CYP2E1: variants seen among roughly 807,000 people sequenced by gnomAD.
CYP2E1 encodes cytochrome P450 2E1.
CYP2E1 carries 31 observed loss-of-function variants against 42.9 expected under a neutral mutation model. That is an observed-to-expected ratio of 0.72 (90% CI 0.54 to 0.98). The LOEUF (loss-of-function observed/expected upper bound fraction) is 0.98. Ranked by LOEUF, CYP2E1 falls within the 50% of genes least tolerant of loss-of-function variation. The pLI, the probability that CYP2E1 is intolerant of heterozygous loss-of-function variation, is 0.00. For synonymous variants in CYP2E1, 244 were observed against 248.9 expected, an observed-to-expected ratio of 0.98 and a Z score of 0.19; for missense variants, 565 against 633.2, an observed-to-expected ratio of 0.89 and a Z score of 1.16.
Position 133,537,179 on chromosome 10 carries a change from A to G in CYP2E1, c.1084A>G (p.Thr362Ala). The G allele has an allele frequency of 1.2e-6, 2 of 1,614,014 alleles. No individual in the cohort carries two copies. Among genetic ancestry groups the G allele is most frequent in the Non-Finnish European group, 1.7e-6 (2 of 1,179,982 alleles). Residue 362 changes from threonine to alanine, a missense_variant, in exon 7 of 9, where the codon ACC becomes GCC. Physicochemically the swap from Thr to Ala is moderately conservative, Grantham distance 58. Coordinates refer to ENST00000252945, the MANE Select transcript of CYP2E1 (RefSeq NM_000773.4). ...AVVHEIQRFI[T>A]LVPSNLPHEA... ...GGTGCATGAGATTCAGCGGTTCATC[A>G]CCCTCGTGCCCTCCAACCTGCCCCA...
At chr10:133,528,798 G>A (rs942535617) in intron 2 of CYP2E1, among the ~76,000 whole-genome samples, 158 bp downstream of exon 2, 3 of 152,250 alleles carry the variant, frequency 2.0e-5, no homozygotes, top group Admixed American at 6.5e-5. Context: ...GATGGCCCCC[G>A]CGCGTTGCCT....
intron 2 of CYP2E1, among the ~76,000 whole-genome samples, chr10:133,530,034 C>A (rs1271862490): frequency 6.6e-6 from 1 of 152,116 alleles, no homozygotes; most frequent in African/African-American, 2.4e-5. Context: ...TCGGAGGCAG[C>A]AGGGAGGGGA....
chr10:133,528,455 T>G, intron 1 of CYP2E1, 26 bp from the exon 2 acceptor site: 1 of 1,609,858 alleles, frequency 6.2e-7, no homozygotes, highest in Non-Finnish European at 8.5e-7. Flanking sequence ...GCGGCGGGCC[T>G]GACTTCTAGC....
intron 6 of CYP2E1, among the ~76,000 whole-genome samples, chr10:133,536,488 TGTGGATGGATGGAAGGGTGG>T (rs1851398499): frequency 3.0e-5 from 3 of 99,954 alleles, no homozygotes; most frequent in Non-Finnish European, 6.4e-5. Flanking sequence ...TCAATGGATG[TGTGGATGGATGGAAGGGTGG>T]GTGGATGGGT....
Position 133,533,208 on chromosome 10 carries a change from G to A in CYP2E1, c.825+340G>A, listed in dbSNP as rs776470353. On this transcript the variant is annotated intron_variant, in intron 5 of 8. Transcript: ENST00000252945. Reference sequence around the variant, plus strand: ...GTGGGCATGCACTCCCCAACTGTGCGCAGCTGCAGGACTTCCAGGCCTCCC... The same window carrying A: ...GTGGGCATGCACTCCCCAACTGTGCACAGCTGCAGGACTTCCAGGCCTCCC... Among the ~76,000 whole-genome samples, 21 of 152,166 alleles carry A rather than the reference G, an allele frequency of 1.4e-4. 1 individual carries two copies. The highest frequency in any genetic ancestry group is 2.6e-4 in the Admixed American group (4 of 15,282).
Position 133,538,885 on chromosome 10 carries a change from A to AT in CYP2E1, c.1404dup (p.Ile469TyrfsTer33). Reference sequence around the variant, plus strand: ...TTGAAGCCTCTCGTTGACCCAAAGGATATCGACCTCAGCCCTATACATATT... The same window carrying AT: ...TTGAAGCCTCTCGTTGACCCAAAGGATTATCGACCTCAGCCCTATACATATT... On this transcript the variant is annotated frameshift_variant, in exon 9 of 9. Coordinates refer to ENST00000252945, the MANE Select transcript of CYP2E1 (RefSeq NM_000773.4). LOFTEE classifies it low-confidence loss of function (END_TRUNC). 1 of 1,614,074 alleles carries AT rather than the reference A, an allele frequency of 6.2e-7. No homozygotes were observed. The highest frequency in any genetic ancestry group is 8.5e-7 in the Non-Finnish European group (1 of 1,179,998).
At chr10:133,536,917 T>G in intron 6 of CYP2E1, 146 bp from the exon 7 acceptor site, 1 of 639,776 alleles carries the variant, frequency 1.6e-6, no homozygotes, top group Non-Finnish European at 2.7e-6. Context: ...GATGGATGGA[T>G]GGAGGGGTGT....
chr10:133,527,993 C>G (rs1368424929), intron 1 of CYP2E1: 1 of 220,392 alleles, frequency 4.5e-6, no homozygotes, highest in African/African-American at 2.3e-5. Flanking sequence ...AATGGGCCAA[C>G]AAACCTAAAC....
chr10:133,537,435 G>A, intron 7 of CYP2E1, 185 bp downstream of exon 7: 1 of 639,308 alleles, frequency 1.6e-6, no homozygotes, highest in Non-Finnish European at 2.7e-6. Flanking sequence ...TTGGCCTGGT[G>A]ACCAGAGAGG....
chr10:133,529,026 G>T (rs543712940), intron 2 of CYP2E1, among the ~76,000 whole-genome samples: 2 of 152,146 alleles, frequency 1.3e-5, no homozygotes, highest in Non-Finnish European at 2.9e-5. Flanking sequence ...CCTCACCCAC[G>T]CTGAGGCGTC....
chr10:133,537,449 A>G (rs1341869489), intron 7 of CYP2E1, 199 bp downstream of exon 7: 37 of 623,476 alleles, frequency 5.9e-5, no homozygotes, highest in Non-Finnish European at 9.6e-5. Context: ...AGAGAGGTGG[A>G]GGAAATCTGG....
intron 1 of CYP2E1, chr10:133,527,955 C>T (rs1851290085): frequency 4.0e-6 from 1 of 249,482 alleles, no homozygotes; most frequent in Admixed American, 5.0e-5. Context: ...GCACCAATAC[C>T]TGCCGCCTAC....
chr10:133,537,443 AG>A (rs1385890759), intron 7 of CYP2E1, 193 bp downstream of exon 7: 11 of 628,026 alleles, frequency 1.8e-5, no homozygotes, highest in Middle Eastern at 4.2e-4. Flanking sequence ...GTGACCAGAG[AG>A]GTGGAGGAAA....
At position 133,538,957 on chromosome 10, in the gene CYP2E1, GC is replaced by G; in HGVS notation, c.1476del (p.Ser493HisfsTer46). The G allele has an allele frequency of 1.2e-6, 2 of 1,609,424 alleles. No homozygotes were observed. Among genetic ancestry groups the G allele is most frequent in the East Asian group, 4.5e-5 (2 of 44,720 alleles). ...PPRYKLCVIP[R>X]S ...CGTTACAAACTCTGTGTCATTCCCC[GC>G]TCATGAGTGTGTGGAGGACACCCTG... On this transcript the variant is annotated frameshift_variant, in exon 9 of 9. Coordinates refer to ENST00000252945, the MANE Select transcript of CYP2E1 (RefSeq NM_000773.4). LOFTEE classifies it high-confidence loss of function.
Position 133,532,713 on chromosome 10 carries a change from T to C in CYP2E1, c.670T>C (p.Phe224Leu). The change falls in exon 5 of 9, where the codon TTT becomes CTT. Residue 224 changes from phenylalanine (F) to leucine (L), a missense_variant. Physicochemically the swap from Phe to Leu is conservative, Grantham distance 22. Coordinates refer to ENST00000252945, the MANE Select transcript of CYP2E1 (RefSeq NM_000773.4). ...WLQLYNNFPS[F>L]LHYLPGSHRK... ...CTAGCTTTACAATAATTTTCCCAGC[T>C]TTCTACACTACTTGCCTGGAAGCCA... 1.9e-6 allele frequency: 3 copies of C among 1,599,196 alleles called. No individual in the cohort carries two copies. Among genetic ancestry groups the C allele is most frequent in the Non-Finnish European group, 2.6e-6 (3 of 1,176,252 alleles).
chr10:133,528,417 G>A (rs889670456), intron 1 of CYP2E1, 64 bp from the exon 2 acceptor site: 12 of 1,589,566 alleles, frequency 7.5e-6, no homozygotes, highest in Middle Eastern at 2.1e-4. Context: ...GCAGGGGTGT[G>A]GCTTAGAGCC....
chr10:133,537,089 G>C lies in CYP2E1; in HGVS notation c.994G>C (p.Val332Leu). ...GAAGCTCCATGAAGAAATTGACAGGGTGATTGGGCCAAGCCGAATCCCTGC... is the reference window on the plus strand; with the variant it reads ...GAAGCTCCATGAAGAAATTGACAGGCTGATTGGGCCAAGCCGAATCCCTGC... ...EEKLHEEIDR[V>L]IGPSRIPAIK... Residue 332 changes from valine to leucine, a missense_variant, in exon 7 of 9, where the codon GTG (valine) becomes CTG (leucine). Physicochemically the swap from Val to Leu is conservative, Grantham distance 32 (BLOSUM62 1). Transcript: ENST00000252945. 6.2e-7 allele frequency: 1 copy of C among 1,613,802 alleles called. No homozygotes were observed. The highest frequency in any genetic ancestry group is 1.3e-5 in the African/African-American group (1 of 75,008).
chr10:133,528,706 A>G, intron 2 of CYP2E1, 66 bp downstream of exon 2: 1 of 1,583,386 alleles, frequency 6.3e-7, no homozygotes, highest in Non-Finnish European at 8.6e-7. Context: ...TACGGGCGCT[A>G]GCCACGTCGG....
intron 6 of CYP2E1, among the ~76,000 whole-genome samples, chr10:133,534,429 G>T (rs772665618): frequency 2.5e-4 from 38 of 152,120 alleles, no homozygotes; most frequent in Non-Finnish European, 4.0e-4. Context: ...TCTGTGCCTG[G>T]AGGAGGTGTG....
Sources: allele counts gnomAD v4.1 joint callset (sites outside exome capture counted in the v4.1 genomes callset), GRCh38; gene constraint gnomAD v4.1.1; transcripts MANE v1.5; gene names NCBI Gene and HGNC (gene_info 2026-07-23, HGNC 2026-07-21).